ADGRL2: variants seen among roughly 807,000 people sequenced by gnomAD.
ADGRL2 encodes the protein calcium-independent alpha-latrotoxin receptor 2.
In ADGRL2, 44 loss-of-function variants were observed where a neutral mutation model predicts 157.4. The observed-to-expected ratio is 0.28, with a 90% CI of 0.22 to 0.36. ADGRL2 has a LOEUF of 0.36. Ranked by LOEUF, ADGRL2 falls within the 10% of genes least tolerant of loss-of-function variation. ADGRL2 has a pLI of 1.00. For synonymous variants in ADGRL2, 585 were observed against 624.7 expected (o/e 0.94, Z 0.95); for missense variants, 1,510 against 1,768.9 (o/e 0.85, Z 2.63).
At chr1:81,654,897 A>G (rs182761803) in intron 3 of ADGRL2, among the ~76,000 whole-genome samples, 274 of 152,298 alleles carry the variant, frequency 1.8e-3, no homozygotes, top group African/African-American at 6.2e-3. Context: ...CTCTTGCCTC[A>G]GCCTCCTCAC....
intron 2 of ADGRL2, among the ~76,000 whole-genome samples, chr1:81,875,017 A>G (rs766812522): frequency 1.3e-5 from 2 of 151,938 alleles, no homozygotes; most frequent in Non-Finnish European, 2.9e-5. Context: ...TTCTTTTTTA[A>G]GTTTTAATTT....
intron 1 of ADGRL2, among the ~76,000 whole-genome samples, chr1:81,334,613 G>A (rs1220566024): frequency 6.6e-6 from 1 of 152,134 alleles, no homozygotes; most frequent in African/African-American, 2.4e-5. Context: ...AAAACAAAAA[G>A]CAATGAAAAT....
intron 2 of ADGRL2, among the ~76,000 whole-genome samples, chr1:81,896,306 AT>A (rs1331271396): frequency 2.0e-4 from 29 of 143,448 alleles, no homozygotes; most frequent in Non-Finnish European, 3.2e-5. Flanking sequence ...TTAACTAGTT[AT>A]AAAAAAAAAT....
chr1:81,862,326 A>T lies in ADGRL2; in HGVS notation c.73+25269A>T, dbSNP rs547968830. Among the ~76,000 whole-genome samples, 270 of 152,304 alleles carry T rather than the reference A, an allele frequency of 1.8e-3. 1 individual carries two copies. Among genetic ancestry groups the T allele is most frequent in the Non-Finnish European group, 3.2e-3 (218 of 68,018 alleles). On this transcript the variant is annotated intron_variant, in intron 2 of 23. Coordinates refer to ENST00000686636, the MANE Select transcript of ADGRL2 (RefSeq NM_001366006.2). The stretch of plus-strand genomic sequence containing the variant: ...CAGAAAAAGAAATTAAAAAAAGCAC[A>T]ACTGATTCATAATGAGCCAACCCCT...
chr1:81,467,651 C>T (rs959752061), intron 2 of ADGRL2, among the ~76,000 whole-genome samples: 1 of 152,138 alleles, frequency 6.6e-6, no homozygotes, highest in Admixed American at 6.6e-5. Context: ...CATGACCAAT[C>T]AGTATTATTT....
intron 3 of ADGRL2, among the ~76,000 whole-genome samples, chr1:81,619,731 ATGTG>A (rs34153343): frequency 0.24 from 35,589 of 149,428 alleles, 4,935 homozygotes; most frequent in African/African-American, 0.37. Flanking sequence ...GGGTGTGTGT[ATGTG>A]TGTGTGTGTG....
intron 2 of ADGRL2, among the ~76,000 whole-genome samples, chr1:81,871,736 T>G (rs1310977279): frequency 6.6e-6 from 1 of 152,222 alleles, no homozygotes; most frequent in Non-Finnish European, 1.5e-5. Context: ...ATGTCTTCTT[T>G]TGAGAAGTGT....
chr1:81,893,625 G>A (rs1439164086), intron 2 of ADGRL2, among the ~76,000 whole-genome samples: 1 of 152,118 alleles, frequency 6.6e-6, no homozygotes, highest in Non-Finnish European at 1.5e-5. Flanking sequence ...ACTACAATGG[G>A]CTGTAGTGTG....
intron 2 of ADGRL2, among the ~76,000 whole-genome samples, chr1:81,868,298 G>T (rs1035958131): frequency 3.3e-5 from 5 of 152,082 alleles, no homozygotes. Flanking sequence ...GTTCTACAAA[G>T]GTGGTTGCTT....
chr1:81,479,438 G>A (rs907089492), intron 2 of ADGRL2, among the ~76,000 whole-genome samples: 1 of 152,110 alleles, frequency 6.6e-6, no homozygotes, highest in South Asian at 2.1e-4. Context: ...AGCCAAGATC[G>A]CGCCATTGCA....
intron 1 of ADGRL2, among the ~76,000 whole-genome samples, chr1:81,750,363 CAT>C (rs1444043685): frequency 2.6e-5 from 4 of 152,114 alleles, no homozygotes; most frequent in Admixed American, 2.6e-4. Flanking sequence ...AAAAAGTAAA[CAT>C]ATTAAAAATA....
At chr1:81,493,265 T>G (rs959945171) in intron 2 of ADGRL2, among the ~76,000 whole-genome samples, 9 of 152,168 alleles carry the variant, frequency 5.9e-5, no homozygotes, top group African/African-American at 2.2e-4. Context: ...CAATGTGAGG[T>G]TGCCCTGCAT....
intron 2 of ADGRL2, among the ~76,000 whole-genome samples, chr1:81,555,717 C>T (rs1289587522): frequency 2.0e-5 from 3 of 152,180 alleles, no homozygotes; most frequent in African/African-American, 4.8e-5. Flanking sequence ...GCAGCCCCTC[C>T]TCACCCTCAC....
rs546065012 is a variant in ADGRL2 at position 81,471,862 on chromosome 1, C to T, written c.-248+26773C>T. Among the ~76,000 whole-genome samples the T allele has an allele frequency of 4.6e-5, 7 of 152,194 alleles. No individual in the cohort carries two copies. In the East Asian group the frequency reaches 1.2e-3, roughly 25 times the overall value. On this transcript the variant is annotated intron_variant, in intron 2 of 24. Coordinates refer to the ADGRL2 transcript ENST00000370721. The stretch of plus-strand genomic sequence containing the variant: ...CAGTAATTCAGAGAGAAGAAATAAC[C>T]TAGGATGTTTCTAAAATCATTTTCT...
intron 3 of ADGRL2, among the ~76,000 whole-genome samples, chr1:81,642,712 CAA>C (rs1458965219): frequency 6.6e-6 from 1 of 152,038 alleles, no homozygotes; most frequent in Admixed American, 6.6e-5. Context: ...CCAAAATGTA[CAA>C]AGAGAATTCA....
At chr1:81,552,605 G>GAAAA (rs35795177) in intron 2 of ADGRL2, among the ~76,000 whole-genome samples, 109 of 103,940 alleles carry the variant, frequency 1.0e-3, no homozygotes, top group African/African-American at 3.7e-3. Context: ...ACTTTACTTA[G>GAAAA]AAAAAAAAAA....
Position 81,909,949 on chromosome 1 carries a change from T to C in ADGRL2, c.287+2719T>C, listed in dbSNP as rs576943127. On this transcript the variant is annotated intron_variant, in intron 3 of 23. Transcript: ENST00000686636. ...AATTGGTGTTTAGCCACTTTGAAAA[T>C]AGTACAATTGCCAGGTGCAGTGGCT... Among the ~76,000 whole-genome samples, 4 of 151,848 alleles carry C rather than the reference T, an allele frequency of 2.6e-5. No homozygotes were observed. The East Asian group carries it at 7.8e-4, about 30-fold the overall frequency.
intron 1 of ADGRL2, among the ~76,000 whole-genome samples, chr1:81,745,641 C>T (rs2085220914): frequency 6.6e-6 from 1 of 152,030 alleles, no homozygotes; most frequent in Admixed American, 6.6e-5. Flanking sequence ...AGGGTTCTAC[C>T]TTGAATATAA....
chr1:81,863,784 CAGAA>C (rs1344552132), intron 2 of ADGRL2, among the ~76,000 whole-genome samples: 1 of 152,080 alleles, frequency 6.6e-6, no homozygotes, highest in Non-Finnish European at 1.5e-5. Flanking sequence ...TATTTAGCTG[CAGAA>C]AGAGATTAAA....
Sources: gnomAD v4.1 joint callset for allele counts (sites outside exome capture counted in the v4.1 genomes callset) on GRCh38, gnomAD v4.1.1 for gene constraint, MANE v1.5 for transcripts, NCBI Gene and HGNC (gene_info 2026-07-23, HGNC 2026-07-21) for gene names.